The following BCL7C variants were observed in gnomAD, a reference collection of about 807,000 sequenced individuals.
The protein encoded by BCL7C is B-cell CLL/lymphoma 7 protein family member C.
BCL7C carries 8 observed loss-of-function variants against 26.2 expected under a neutral mutation model. The observed-to-expected ratio is 0.30, with a 90% CI of 0.18 to 0.55. The LOEUF (loss-of-function observed/expected upper bound fraction) is 0.55. BCL7C is among the 20% of genes least tolerant of loss of function. The pLI is 0.93. For synonymous variants in BCL7C, 90 were observed against 116.5 expected, an observed-to-expected ratio of 0.77 and a Z score of 1.47; for missense variants, 262 against 298.5, an observed-to-expected ratio of 0.88 and a Z score of 0.90.
At chr16:30,848,129 C>T (rs1426766572) in intron 5 of BCL7C, among the ~76,000 whole-genome samples, 1 of 152,084 alleles carries the variant, frequency 6.6e-6, no homozygotes, top group Non-Finnish European at 1.5e-5. Context: ...GGTGGCCTAC[C>T]ACTATTAAGT....
chr16:30,855,732 C>T (rs1567311416), intron 5 of BCL7C, among the ~76,000 whole-genome samples: 1 of 152,032 alleles, frequency 6.6e-6, no homozygotes, highest in Non-Finnish European at 1.5e-5. Context: ...TGAGACCAGC[C>T]TGGGCAACAT....
In BCL7C at chr16:30,894,011, C is replaced by T. The variant is rs541395404; in HGVS notation, c.-67G>A. On this transcript the variant is annotated 5_prime_UTR_variant, in exon 1 of 6. Transcript: ENST00000215115. ...GCCTCCCGTCCGGCGGGCTCAGGCT[C>T]CGCGCCAGGCCCGGGCGCCGCGCTC... The T allele has an allele frequency of 6.9e-5, 53 of 767,660 alleles. No homozygotes were observed. The African/African-American group carries it at 8.5e-4, about 12-fold the overall frequency. The allele number at this position is 767,660 out of a possible 1,614,324, so 47.6% of individuals were successfully genotyped here. A position where few individuals can be genotyped will look rare whatever the true frequency, so the allele number is the denominator to read the frequency against.
chr16:30,893,158 A>G lies in BCL7C; in HGVS notation c.171+54T>C. On this transcript the variant is annotated intron_variant, in intron 2 of 5. Transcript: ENST00000215115. The surrounding 1 kb of genome is among the most constrained non-coding windows in gnomAD (Gnocchi z 5.2). ...GGAGGTAGAGGTCAGCGTGGGGAGG[A>G]ACTTGCCTGAGGTTGCACAGATGCA... The G allele has an allele frequency of 6.4e-7, 1 of 1,563,820 alleles. No homozygotes were observed. The highest frequency in any genetic ancestry group is 1.1e-5 in the South Asian group (1 of 87,038).
At chr16:30,884,647 G>A (rs554080398), downstream of BCL7C, among the ~76,000 whole-genome samples, 2 of 151,772 alleles carry the variant, frequency 1.3e-5, no homozygotes, top group Admixed American at 6.6e-5. Flanking sequence ...CAGATGCCCC[G>A]CAACCATGCC....
chr16:30,868,565 C>G (rs565803412), intron 5 of BCL7C, among the ~76,000 whole-genome samples: 6 of 151,846 alleles, frequency 4.0e-5, no homozygotes, highest in African/African-American at 1.4e-4. Flanking sequence ...GTGGGCAGAT[C>G]ACCTGAGGTC....
intron 5 of BCL7C, among the ~76,000 whole-genome samples, chr16:30,837,122 C>T (rs2054574611): frequency 6.6e-6 from 1 of 151,762 alleles, no homozygotes; most frequent in Admixed American, 6.6e-5. Context: ...AATTTTTTTT[C>T]AACTCTCGTC....
chr16:30,849,354 C>T (rs2054656400), intron 5 of BCL7C, among the ~76,000 whole-genome samples: 1 of 151,830 alleles, frequency 6.6e-6, no homozygotes, highest in African/African-American at 2.4e-5. Flanking sequence ...GATGGATTGA[C>T]CCCTTTATCA....
intron 5 of BCL7C, among the ~76,000 whole-genome samples, chr16:30,847,230 A>C (rs1411167426): frequency 2.6e-5 from 4 of 152,224 alleles, no homozygotes; most frequent in Non-Finnish European, 5.9e-5. Flanking sequence ...TCATGCAAAA[A>C]CTAGGGCACT....
At chr16:30,891,495 C>T (rs939974879) in intron 4 of BCL7C, among the ~76,000 whole-genome samples, 2 of 152,156 alleles carry the variant, frequency 1.3e-5, no homozygotes, top group Non-Finnish European at 2.9e-5. Context: ...AACCCAACCA[C>T]GTAAAGTGTT....
chr16:30,861,920 G>C (rs2054777535), intron 5 of BCL7C, among the ~76,000 whole-genome samples: 1 of 138,366 alleles, frequency 7.2e-6, no homozygotes, highest in South Asian at 2.2e-4. Flanking sequence ...CTGGAGTGCA[G>C]TGGCGTGATC....
chr16:30,885,408 T>A (rs1412008058), downstream of BCL7C, among the ~76,000 whole-genome samples: 4 of 151,158 alleles, frequency 2.6e-5, no homozygotes, highest in Admixed American at 2.6e-4. Context: ...TGTCTGTGGC[T>A]TTTTCTTTTT....
At chr16:30,855,650 C>T (rs1001767774) in intron 5 of BCL7C, among the ~76,000 whole-genome samples, 1 of 152,168 alleles carries the variant, frequency 6.6e-6, no homozygotes, top group African/African-American at 2.4e-5. Flanking sequence ...ACGGACGGGG[C>T]ATGGTGGCTC....
At chr16:30,888,995 C>T (rs370874249) in intron 4 of BCL7C, 50 bp from the exon 5 acceptor site, 2 of 1,532,738 alleles carry the variant, frequency 1.3e-6, no homozygotes, top group African/African-American at 2.7e-5. Flanking sequence ...TCTGTGCCAG[C>T]AGCACAGACA....
chr16:30,875,449 T>C (rs1391310246), intron 5 of BCL7C: 1 of 152,350 alleles, frequency 6.6e-6, no homozygotes, highest in Non-Finnish European at 1.5e-5. Flanking sequence ...TTCCCAAGGC[T>C]GCGCCGCCGG....
intron 5 of BCL7C, among the ~76,000 whole-genome samples, chr16:30,856,060 TAAAAAAAAAAA>T (rs758984617): frequency 1.3e-3 from 123 of 97,412 alleles, no homozygotes; most frequent in Non-Finnish European, 4.2e-4. Context: ...AGACTCCATC[TAAAAAAAAAAA>T]AAAAAAAAAG....
intron 5 of BCL7C, among the ~76,000 whole-genome samples, chr16:30,843,761 C>G (rs1394442201): frequency 6.6e-6 from 1 of 151,430 alleles, no homozygotes; most frequent in Non-Finnish European, 1.5e-5. Context: ...CAGCATAGAC[C>G]GGGCACTGTG....
chr16:30,848,317 T>C (rs2054648239), intron 5 of BCL7C, among the ~76,000 whole-genome samples: 1 of 152,192 alleles, frequency 6.6e-6, no homozygotes, highest in East Asian at 1.9e-4. Flanking sequence ...CTTTGAGAAG[T>C]TCTCTGGTTG....
chr16:30,882,989 A>G (rs558336840), downstream of BCL7C, among the ~76,000 whole-genome samples: 1 of 152,264 alleles, frequency 6.6e-6, no homozygotes, highest in East Asian at 1.9e-4. Context: ...GGGATATCCC[A>G]ATGGAGATGT....
intron 5 of BCL7C, among the ~76,000 whole-genome samples, chr16:30,858,232 T>A (rs966974235): frequency 6.6e-6 from 1 of 151,890 alleles, no homozygotes; most frequent in Non-Finnish European, 1.5e-5. Flanking sequence ...CAGTGAAGAG[T>A]CCCAGCCTCT....
Sources: gnomAD v4.1 joint callset for allele counts (sites outside exome capture counted in the v4.1 genomes callset) on GRCh38, gnomAD v4.1.1 for gene constraint, Gnocchi (gnomAD v3.1) non-coding constraint, MANE v1.5 for transcripts, NCBI Gene and HGNC (gene_info 2026-07-23, HGNC 2026-07-21) for gene names.